ENTREP2: variants seen among roughly 807,000 people sequenced by gnomAD.
The protein encoded by ENTREP2 is protein ENTREP2.
chr15:29,437,526 C>T, the ENTREP2 span, among the ~76,000 whole-genome samples: 12 of 152,160 alleles, frequency 7.9e-5, no homozygotes, highest in Non-Finnish European at 1.0e-4. Context: ...TGAAACTAGA[C>T]TGAGAGGTTG....
At chr15:29,392,488 G>A in the ENTREP2 span, among the ~76,000 whole-genome samples, 1 of 151,910 alleles carries the variant, frequency 6.6e-6, no homozygotes, top group African/African-American at 2.4e-5. Flanking sequence ...AACACCCTAG[G>A]TTGACAGTTG....
chr15:29,560,355 TCAA>T, the ENTREP2 span, among the ~76,000 whole-genome samples: 1 of 152,138 alleles, frequency 6.6e-6, no homozygotes, highest in African/African-American at 2.4e-5. Flanking sequence ...ATAGGGTATG[TCAA>T]GAGGAGAGAG....
chr15:29,453,288 G>A, the ENTREP2 span, among the ~76,000 whole-genome samples: 2 of 152,204 alleles, frequency 1.3e-5, no homozygotes, highest in African/African-American at 4.8e-5. Context: ...AGGCACGGCA[G>A]GACAATTTCA....
At chr15:29,262,861 AT>A in the ENTREP2 span, among the ~76,000 whole-genome samples, 19 of 152,236 alleles carry the variant, frequency 1.2e-4, no homozygotes, top group African/African-American at 4.6e-4. Context: ...ATCTGACACT[AT>A]CTCCAGGTAG....
At chr15:29,477,270 G>A in the ENTREP2 span, among the ~76,000 whole-genome samples, 5 of 152,208 alleles carry the variant, frequency 3.3e-5, no homozygotes, top group African/African-American at 1.2e-4. Context: ...GTAGAAGGGA[G>A]CACAAGGGGG....
the ENTREP2 span, among the ~76,000 whole-genome samples, chr15:29,322,184 ACAT>A: frequency 6.6e-6 from 1 of 152,162 alleles, no homozygotes; most frequent in Non-Finnish European, 1.5e-5. Flanking sequence ...TGTATTATGC[ACAT>A]CATGTTGTTT....
At chr15:29,396,752 T>G in the ENTREP2 span, among the ~76,000 whole-genome samples, 1 of 152,214 alleles carries the variant, frequency 6.6e-6, no homozygotes. Context: ...CTCTTATGTT[T>G]AGGTCTTTAA....
At chr15:29,633,562 G>C in the ENTREP2 span, among the ~76,000 whole-genome samples, 2 of 152,014 alleles carry the variant, frequency 1.3e-5, no homozygotes, top group Non-Finnish European at 2.9e-5. Context: ...AAAAATAGAA[G>C]GGTGGGGAGG....
the ENTREP2 span, among the ~76,000 whole-genome samples, chr15:29,567,747 A>C: frequency 3.8e-4 from 58 of 152,242 alleles, no homozygotes; most frequent in Non-Finnish European, 7.3e-4. Flanking sequence ...GTGCTCACTA[A>C]GCATGGGCTG....
the ENTREP2 span, among the ~76,000 whole-genome samples, chr15:29,585,743 CT>C: frequency 6.6e-6 from 1 of 151,776 alleles, no homozygotes; most frequent in East Asian, 1.9e-4. Context: ...GTAATCCCAG[CT>C]ACTCGGGAGG....
At chr15:29,161,711 A>G in the ENTREP2 span, among the ~76,000 whole-genome samples, 31 of 152,336 alleles carry the variant, frequency 2.0e-4, no homozygotes, top group East Asian at 1.4e-3. Flanking sequence ...TTGTAAGTTC[A>G]GACTAGAAGG....
the ENTREP2 span, among the ~76,000 whole-genome samples, chr15:29,657,044 G>C: frequency 1.3e-5 from 2 of 152,086 alleles, no homozygotes; most frequent in African/African-American, 2.4e-5. Context: ...TTCGTGGTGA[G>C]TGTTACAGCT....
chr15:29,609,157 G>C, the ENTREP2 span, among the ~76,000 whole-genome samples: 2 of 150,172 alleles, frequency 1.3e-5, no homozygotes, highest in African/African-American at 4.9e-5. Flanking sequence ...TCCTTGGGTT[G>C]TGGGTTTTGC....
At chr15:29,468,369 G>A in the ENTREP2 span, among the ~76,000 whole-genome samples, 19 of 152,176 alleles carry the variant, frequency 1.2e-4, no homozygotes, top group East Asian at 3.7e-3. Flanking sequence ...CTAGCACTTT[G>A]GGAGGCCAGG....
At chr15:29,190,473 C>G in the ENTREP2 span, among the ~76,000 whole-genome samples, 1 of 152,212 alleles carries the variant, frequency 6.6e-6, no homozygotes, top group South Asian at 2.1e-4. Flanking sequence ...ATGAGTGAAG[C>G]AACATCTGCA....
the ENTREP2 span, among the ~76,000 whole-genome samples, chr15:29,573,663 C>T: frequency 1.3e-5 from 2 of 149,640 alleles, no homozygotes; most frequent in Non-Finnish European, 2.9e-5. Flanking sequence ...CTCTCCCTCT[C>T]TCTCTCTCTC....
At chr15:29,326,583 T>C in the ENTREP2 span, among the ~76,000 whole-genome samples, 9 of 152,178 alleles carry the variant, frequency 5.9e-5, no homozygotes, top group Middle Eastern at 3.4e-3. Context: ...TAAATAAATA[T>C]AGAGATATTC....
the ENTREP2 span, among the ~76,000 whole-genome samples, chr15:29,397,024 T>C: frequency 2.9e-3 from 434 of 152,218 alleles, no homozygotes; most frequent in Admixed American, 7.9e-3. Flanking sequence ...GATTAAAATA[T>C]TAAATGTAAA....
At chr15:29,232,740 C>T in the ENTREP2 span, among the ~76,000 whole-genome samples, 26 of 152,238 alleles carry the variant, frequency 1.7e-4, no homozygotes, top group African/African-American at 5.8e-4. Context: ...AACTTCTGGG[C>T]TCAAGCGATC....
Sources: allele counts gnomAD v4.1 joint callset (sites outside exome capture counted in the v4.1 genomes callset), GRCh38; gene constraint gnomAD v4.1.1; transcripts MANE v1.5; gene names NCBI Gene and HGNC (gene_info 2026-07-23, HGNC 2026-07-21).